Variants in SUSD6 observed in about 807,000 individuals in gnomAD.
SUSD6 encodes sushi domain containing 6.
Under a neutral mutation model 28.4 loss-of-function variants are expected in SUSD6, and 16 were observed. The observed-to-expected ratio is 0.56, with a 90% CI of 0.38 to 0.86. The LOEUF is 0.86. Among genes scored for constraint, SUSD6 ranks in the 40% least tolerant of loss-of-function variants. SUSD6 has a pLI of 0.00. For missense variants in SUSD6, 341 were observed against 384.2 expected (o/e 0.89, Z 0.94); for synonymous variants, 147 against 159.6 (o/e 0.92, Z 0.59).
At chr14:69,658,831 T>C (rs1595045314) in intron 2 of SUSD6, 118 bp downstream of exon 2, 9 of 1,333,426 alleles carry the variant, frequency 6.7e-6, no homozygotes, top group Non-Finnish European at 7.4e-6. Context: ...GAGCAGAGGG[T>C]GGAGGGCTTT....
At chr14:69,617,514 A>G (rs1319171454) in intron 1 of SUSD6, 1 of 152,242 alleles carries the variant, frequency 6.6e-6, no homozygotes, top group Non-Finnish European at 1.5e-5. Flanking sequence ...TGAACTCTCC[A>G]GTAGCATTGT....
At position 69,707,324 on chromosome 14, in the gene SUSD6, G is replaced by A. The variant is rs80031113; in HGVS notation, c.459-1353G>A. The stretch of plus-strand genomic sequence containing the variant: ...GATGGTTCAGGGAAAAAAAAGGCAT[G>A]TTTATGTGTATAACAAAAGTGATCC... On this transcript the variant is annotated intron_variant, in intron 4 of 5. Coordinates refer to ENST00000342745, the MANE Select transcript of SUSD6 (RefSeq NM_014734.4). Among the ~76,000 whole-genome samples the A allele has an allele frequency of 3.4e-3, 525 of 152,280 alleles. 1 individual carries two copies. Among genetic ancestry groups the A allele is most frequent in the South Asian group, 0.014 (67 of 4,826 alleles).
At chr14:69,650,257 C>G (rs764313086) in intron 1 of SUSD6, among the ~76,000 whole-genome samples, 2 of 152,128 alleles carry the variant, frequency 1.3e-5, no homozygotes, top group African/African-American at 2.4e-5. Flanking sequence ...CAGGAAGGGG[C>G]TTAGCCAGCA....
In SUSD6 at chr14:69,627,692, C is replaced by T. The variant is rs182332691; in HGVS notation, c.-81+15864C>T. On this transcript the variant is annotated intron_variant, in intron 1 of 5. Transcript: ENST00000342745. ...TGTTAGCCAGGATGGTCTCGATCTCCTGACCTCATGATCCGCCTGCCTCGG... is the reference window on the plus strand; with the variant it reads ...TGTTAGCCAGGATGGTCTCGATCTCTTGACCTCATGATCCGCCTGCCTCGG... Among the ~76,000 whole-genome samples, 254 of 152,142 alleles carry T rather than the reference C, an allele frequency of 1.7e-3. 4 individuals carry two copies. The East Asian group carries it at 0.039, about 24-fold the overall frequency.
intron 2 of SUSD6, among the ~76,000 whole-genome samples, chr14:69,697,837 T>G (rs1886248498): frequency 6.6e-6 from 1 of 152,216 alleles, no homozygotes; most frequent in Non-Finnish European, 1.5e-5. Context: ...TTGTGTCACA[T>G]TTAACACTTA....
At position 69,674,360 on chromosome 14, in the gene SUSD6, G is replaced by A. The variant is rs1317550778; in HGVS notation, c.121+15647G>A. 3.9e-5 allele frequency among the ~76,000 whole-genome samples: 6 copies of A among 152,190 alleles called. No individual in the cohort carries two copies. The East Asian group carries it at 5.8e-4, about 15-fold the overall frequency. ...GTATCCAGCTACCTCTTCTTTTCTC[G>A]CTTCTTCTTAACTTGGTACAGTTGT... is the stretch of plus-strand genomic sequence containing the variant. On this transcript the variant is annotated intron_variant, in intron 2 of 5. Transcript: ENST00000342745.
In SUSD6 at chr14:69,708,756, G is replaced by A. The variant is rs775683063; in HGVS notation, c.538G>A (p.Ala180Thr). The change falls in exon 5 of 6, where the codon GCT becomes ACT. Residue 180 changes from alanine to threonine, a missense_variant. Physicochemically the swap from Ala to Thr is moderately conservative, Grantham distance 58. Coordinates refer to ENST00000342745, the MANE Select transcript of SUSD6 (RefSeq NM_014734.4). ...GGTTGCACTACCATCATACGAGGAG[G>A]CTGTATATGGCAGTTCTGGTCACTG... ...VQVALPSYEE[A>T]VYGSSGHCVP... 5 of 1,613,786 alleles carry A rather than the reference G, an allele frequency of 3.1e-6. No homozygotes were observed. The Admixed American group carries it at 6.7e-5, about 22-fold the overall frequency.
intron 2 of SUSD6, chr14:69,670,403 A>G (rs1174092195): frequency 1.1e-5 from 5 of 452,972 alleles, no homozygotes; most frequent in Non-Finnish European, 2.2e-5. Context: ...TAATCAGGAA[A>G]GTACTGCACT....
At chr14:69,669,503 G>A (rs1885798455) in intron 2 of SUSD6, among the ~76,000 whole-genome samples, 1 of 152,212 alleles carries the variant, frequency 6.6e-6, no homozygotes, top group African/African-American at 2.4e-5. Context: ...TTAGAGAGGG[G>A]CATGAGAGTG....
intron 1 of SUSD6, chr14:69,617,729 A>G (rs1469556103): frequency 6.6e-6 from 1 of 152,244 alleles, no homozygotes; most frequent in Non-Finnish European, 1.5e-5. Flanking sequence ...TGTGATTTAT[A>G]GTTCTCAGAA....
chr14:69,709,015 A>C lies in SUSD6; in HGVS notation c.797A>C (p.Asn266Thr). 1 of 1,613,964 alleles carries C rather than the reference A, an allele frequency of 6.2e-7. No homozygotes were observed. ...TCTTCCTGGGTGGCCGGCTCAGGGAACCGCCAACTGGCACACAAAGAAACT... is the reference window on the plus strand; with the variant it reads ...TCTTCCTGGGTGGCCGGCTCAGGGACCCGCCAACTGGCACACAAAGAAACT... ...TTSSWVAGSG[N>T]RQLAHKETAD... Residue 266 changes from asparagine to threonine, a missense_variant, in exon 5 of 6, where the codon AAC becomes ACC. Coordinates refer to ENST00000342745, the MANE Select transcript of SUSD6 (RefSeq NM_014734.4).
intron 1 of SUSD6, among the ~76,000 whole-genome samples, chr14:69,637,070 C>G (rs981754322): frequency 2.6e-5 from 4 of 152,174 alleles, no homozygotes; most frequent in Admixed American, 1.3e-4. Flanking sequence ...CCAAAGTTAG[C>G]AAAGGCTGGG....
At chr14:69,667,497 C>T (rs1390120182) in intron 2 of SUSD6, among the ~76,000 whole-genome samples, 2 of 151,792 alleles carry the variant, frequency 1.3e-5, no homozygotes, top group African/African-American at 4.8e-5. Context: ...CTGTCTCAGC[C>T]TCCCGAGTAG....
chr14:69,621,236 G>A (rs1020523617), intron 1 of SUSD6, among the ~76,000 whole-genome samples: 4 of 152,180 alleles, frequency 2.6e-5, no homozygotes, highest in African/African-American at 9.7e-5. Context: ...GTATAGGAGG[G>A]CAGGGTGACT....
At chr14:69,674,243 G>A (rs1450740384) in intron 2 of SUSD6, among the ~76,000 whole-genome samples, 1 of 152,204 alleles carries the variant, frequency 6.6e-6, no homozygotes, top group Admixed American at 6.5e-5. Context: ...GGGTGCTCAG[G>A]ATTGTTATTC....
At chr14:69,662,645 A>C (rs185701442) in intron 2 of SUSD6, among the ~76,000 whole-genome samples, 9 of 152,354 alleles carry the variant, frequency 5.9e-5, no homozygotes, top group African/African-American at 1.9e-4. Context: ...AGAATTAAAA[A>C]TAAAATCTAT....
In SUSD6 at chr14:69,703,467, C is replaced by T. The variant is rs1330487793; in HGVS notation, c.194C>T (p.Thr65Ile). ...CHPRPCRDPL[T>I]AGSVIEYLCA... ...CCCCGGCCCTGCAGAGACCCCCTGA[C>T]AGCAGGCAGTGTCATCGAATACCTG... Residue 65 changes from threonine to isoleucine, a missense_variant, in exon 3 of 6, where the codon ACA becomes ATA. Thr to Ile is a moderately conservative substitution (Grantham distance 89, BLOSUM62 -1). Coordinates refer to ENST00000342745, the MANE Select transcript of SUSD6 (RefSeq NM_014734.4). 3 of 1,614,186 alleles carry T rather than the reference C, an allele frequency of 1.9e-6. No homozygotes were observed. Among genetic ancestry groups the T allele is most frequent in the African/African-American group, 2.7e-5 (2 of 75,052 alleles).
intron 1 of SUSD6, among the ~76,000 whole-genome samples, chr14:69,635,717 C>G (rs1885256390): frequency 6.6e-6 from 1 of 152,266 alleles, no homozygotes; most frequent in African/African-American, 2.4e-5. Flanking sequence ...ATTATAACCC[C>G]TTTGTTGTAC....
chr14:69,646,870 T>C lies in SUSD6; in HGVS notation c.-80-11643T>C, dbSNP rs528237709. ...GCACCCGCCACCATGCCCGGCTAAT[T>C]TTTTGTATTTTTAGTAGAGACGGGG... On this transcript the variant is annotated intron_variant, in intron 1 of 5. Transcript: ENST00000342745. Among the ~76,000 whole-genome samples, 3 of 151,906 alleles carry C rather than the reference T, an allele frequency of 2.0e-5. No homozygotes were observed. The East Asian group carries it at 5.8e-4, about 29-fold the overall frequency.
Sources: gnomAD v4.1 joint callset for allele counts (sites outside exome capture counted in the v4.1 genomes callset) on GRCh38, gnomAD v4.1.1 for gene constraint, MANE v1.5 for transcripts, NCBI Gene and HGNC (gene_info 2026-07-23, HGNC 2026-07-21) for gene names.